YARS1: variants seen among roughly 807,000 people sequenced by gnomAD.
YARS1 encodes the protein tyrosyl-tRNA synthetase 1, also known as tyrosine--tRNA ligase, cytoplasmic.
In YARS1, 36 loss-of-function variants were observed where a neutral mutation model predicts 62.2. The ratio of observed to expected loss-of-function variants is 0.58; its 90% CI spans 0.44 to 0.76. The LOEUF is 0.76. Ranked by LOEUF, YARS1 falls within the 30% of genes least tolerant of loss-of-function variation. YARS1 has a pLI of 0.00. For synonymous variants in YARS1, 234 were observed against 244.9 expected (o/e 0.96, Z 0.42); for missense variants, 524 against 639.8 (o/e 0.82, Z 1.95).
rs1638392063 is a variant in YARS1, at chr1:32,804,349, G to GA, written c.510+2132_510+2133insT. Among the ~76,000 whole-genome samples, 3 of 150,984 alleles carry GA rather than the reference G, an allele frequency of 2.0e-5. No homozygotes were observed. The South Asian group carries it at 6.3e-4, about 32-fold the overall frequency. ...GGCACCCCCAACCTCCCTCCCGGAC[G>GA]GGGTGGCTGGCCGGGCGGGGGTTGC... is the stretch of plus-strand genomic sequence containing the variant. On this transcript the variant is annotated intron_variant, in intron 4 of 12. Coordinates refer to ENST00000373477, the MANE Select transcript of YARS1 (RefSeq NM_003680.4).
At chr1:32,782,678 G>A (rs1557447558) in intron 8 of YARS1, 139 bp from the exon 9 acceptor site, 2 of 1,173,264 alleles carry the variant, frequency 1.7e-6, no homozygotes, top group Non-Finnish European at 2.4e-6. Flanking sequence ...GCAGGTAGGA[G>A]AAGGGAAAAT....
chr1:32,808,803 G>A (rs955871694), intron 3 of YARS1, among the ~76,000 whole-genome samples: 11 of 152,124 alleles, frequency 7.2e-5, no homozygotes, highest in Admixed American at 5.9e-4. Flanking sequence ...GAAAACTTTC[G>A]CTACCCTGGC....
At chr1:32,811,121 T>G in intron 1 of YARS1, 64 bp from the exon 2 acceptor site, 1 of 1,609,598 alleles carries the variant, frequency 6.2e-7, no homozygotes, top group African/African-American at 1.3e-5. Flanking sequence ...CTTTACCATG[T>G]GACAAGGAAA....
At chr1:32,806,165 A>G (rs1235489802) in intron 4 of YARS1, among the ~76,000 whole-genome samples, 1 of 152,234 alleles carries the variant, frequency 6.6e-6, no homozygotes, top group African/African-American at 2.4e-5. Context: ...ATACGGGCAC[A>G]GTTTGTGGTG....
chr1:32,807,944 C>CT (rs1638499917), intron 3 of YARS1, among the ~76,000 whole-genome samples: 1 of 152,086 alleles, frequency 6.6e-6, no homozygotes, highest in South Asian at 2.1e-4. Context: ...GGATCTTGCT[C>CT]TGTTGCCCAG....
In YARS1 at chr1:32,787,027, G is replaced by GT; in HGVS notation, c.732dup (p.Leu245ThrfsTer7). The GT allele has an allele frequency of 1.2e-6, 2 of 1,614,190 alleles. No individual in the cohort carries two copies. Among genetic ancestry groups the GT allele is most frequent in the Non-Finnish European group, 8.5e-7 (1 of 1,180,042 alleles). ...CCTGGCTCACAGAAGGCCTTCTTCA[G>GT]TTTTTTCTTCACATCCTCCTTCCGA... On this transcript the variant is annotated frameshift_variant, in exon 7 of 13. Transcript: ENST00000373477. LOFTEE classifies it high-confidence loss of function.
chr1:32,797,875 T>C (rs772501803), intron 4 of YARS1, 32 bp from the exon 5 acceptor site: 2 of 1,590,778 alleles, frequency 1.3e-6, no homozygotes. Context: ...CATAAACATC[T>C]ACTTTATTTT....
At chr1:32,799,867 C>T (rs567314286) in intron 4 of YARS1, among the ~76,000 whole-genome samples, 192 of 152,142 alleles carry the variant, frequency 1.3e-3, no homozygotes, top group Non-Finnish European at 1.9e-3. Flanking sequence ...TGGAGTCTTG[C>T]TACGTTGCCT....
In YARS1 at chr1:32,776,870, G is replaced by A. The variant is rs771702957; in HGVS notation, c.1477-779C>T. On this transcript the variant is annotated intron_variant, in intron 12 of 12. Transcript: ENST00000373477. The surrounding 1 kb of genome is among the most constrained non-coding windows in gnomAD (Gnocchi z 4.0). The stretch of plus-strand genomic sequence containing the variant: ...TAGTCCCAGCTACTCAGAAGGCTGA[G>A]GCAGGAGAATCACTTGAACCTGAGA... Among the ~76,000 whole-genome samples, 23 of 152,016 alleles carry A rather than the reference G, an allele frequency of 1.5e-4. No individual in the cohort carries two copies. Among genetic ancestry groups the A allele is most frequent in the Non-Finnish European group, 3.2e-4 (22 of 68,012 alleles).
chr1:32,782,543 C>T lies in YARS1; in HGVS notation c.907-4G>A, dbSNP rs771688110. ...TCAGGTCTCCAGGATGTACAACCTG[C>T]AGAATCGAACAAGACCTAGTGAGAT... On this transcript the variant is annotated splice_polypyrimidine_tract_variant and splice_region_variant and intron_variant, in intron 8 of 12. Coordinates refer to ENST00000373477, the MANE Select transcript of YARS1 (RefSeq NM_003680.4). 1 of 1,614,118 alleles carries T rather than the reference C, an allele frequency of 6.2e-7. No individual in the cohort carries two copies. Among genetic ancestry groups the T allele is most frequent in the South Asian group, 1.1e-5 (1 of 91,082 alleles).
intron 4 of YARS1, among the ~76,000 whole-genome samples, chr1:32,803,582 C>T (rs1338141389): frequency 2.0e-5 from 3 of 152,142 alleles, no homozygotes; most frequent in African/African-American, 4.8e-5. Context: ...TCTCTAGCTA[C>T]GAAAGTCCGA....
rs1638272646 is a variant in YARS1, at chr1:32,800,893, T to C, written c.511-3050A>G. On this transcript the variant is annotated intron_variant, in intron 4 of 12. Coordinates refer to ENST00000373477, the MANE Select transcript of YARS1 (RefSeq NM_003680.4). The stretch of plus-strand genomic sequence containing the variant: ...CGCCTGGTTTGTATTTTTCTACCCT[T>C]CTCCTTGCTCGTACAAATATATGTG... Among the ~76,000 whole-genome samples the C allele has an allele frequency of 2.6e-5, 4 of 152,288 alleles. No individual in the cohort carries two copies. The South Asian group carries it at 8.3e-4, about 32-fold the overall frequency.
chr1:32,797,921 A>T, intron 4 of YARS1, 78 bp from the exon 5 acceptor site: 1 of 1,313,036 alleles, frequency 7.6e-7, no homozygotes, highest in East Asian at 2.4e-5. Context: ...CCCAGGCTGG[A>T]GTGCTGTGGC....
intron 4 of YARS1, among the ~76,000 whole-genome samples, chr1:32,801,942 C>CTTTTTT (rs34270752): frequency 2.6e-4 from 27 of 103,888 alleles, no homozygotes; most frequent in South Asian, 3.7e-4. Context: ...CTTGTTATTT[C>CTTTTTT]TTTTTTTTTT....
At chr1:32,814,636 CG>C (rs140924613) in intron 1 of YARS1, among the ~76,000 whole-genome samples, 1 of 152,306 alleles carries the variant, frequency 6.6e-6, no homozygotes, top group East Asian at 1.9e-4. Context: ...GTGATCTGCC[CG>C]TGTGGGCCTC....
intron 6 of YARS1, among the ~76,000 whole-genome samples, chr1:32,789,334 A>G (rs1427538438): frequency 1.3e-5 from 2 of 152,212 alleles, no homozygotes; most frequent in Non-Finnish European, 2.9e-5. Context: ...AAGGTATCCT[A>G]ATCAACATTG....
chr1:32,811,910 A>G (rs1269174820), intron 1 of YARS1, among the ~76,000 whole-genome samples: 1 of 152,070 alleles, frequency 6.6e-6, no homozygotes, highest in African/African-American at 2.4e-5. Context: ...GTCGGAATGG[A>G]CCCCACATTT....
At position 32,810,925 on chromosome 1, in the gene YARS1, T is replaced by G. The variant is rs1322723317; in HGVS notation, c.190A>C (p.Lys64Gln). The change falls in exon 2 of 13, where the codon AAG becomes CAG. Residue 64 changes from lysine to glutamine, a missense_variant. Transcript: ENST00000373477. ...VPMSKIADFL[K>Q]AGCEVTILFA... ...TTAGTTCTTACCTCACACCCTGCCTTTAAGAAGTCTGCAATCTTTGACATG... is the reference window on the plus strand; with the variant it reads ...TTAGTTCTTACCTCACACCCTGCCTGTAAGAAGTCTGCAATCTTTGACATG... 3 of 1,614,024 alleles carry G rather than the reference T, an allele frequency of 1.9e-6. No individual in the cohort carries two copies. The Admixed American group carries it at 5.0e-5, about 27-fold the overall frequency.
intron 5 of YARS1, among the ~76,000 whole-genome samples, 184 bp from the exon 6 acceptor site, chr1:32,791,438 A>G (rs572098502): frequency 2.0e-5 from 3 of 152,304 alleles, no homozygotes; most frequent in Non-Finnish European, 4.4e-5. Context: ...CTGCTTTTCT[A>G]TCAGTATTAC....
Sources: allele counts gnomAD v4.1 joint callset (sites outside exome capture counted in the v4.1 genomes callset), GRCh38; gene constraint gnomAD v4.1.1; non-coding constraint Gnocchi (gnomAD v3.1); transcripts MANE v1.5; gene names NCBI Gene and HGNC (gene_info 2026-07-23, HGNC 2026-07-21).